Variants in MATN2 observed in about 807,000 individuals in gnomAD.
The protein encoded by MATN2 is matrilin 2, also known as matrilin-2.
In MATN2, 69 loss-of-function variants were observed where a neutral mutation model predicts 103.2. The observed-to-expected ratio is 0.67, with a 90% CI of 0.55 to 0.82. The LOEUF (loss-of-function observed/expected upper bound fraction) is 0.82, where lower values mean the gene tolerates loss of function less well. MATN2 is among the 40% of genes least tolerant of loss of function. The probability of loss-of-function intolerance (pLI) is 0.00; values close to 1 mark genes in which losing one functional copy is unlikely to be tolerated. For missense variants in MATN2, 1,023 were observed against 1,211.5 expected (o/e 0.84, Z 2.31); for synonymous variants, 429 against 450.2 (o/e 0.95, Z 0.60).
intron 6 of MATN2, among the ~76,000 whole-genome samples, chr8:97,985,294 C>T (rs1812156659): frequency 6.6e-6 from 1 of 152,156 alleles, no homozygotes; most frequent in Admixed American, 6.5e-5. Flanking sequence ...AGCAAACGTA[C>T]TCATTACTGT....
intron 1 of MATN2, among the ~76,000 whole-genome samples, chr8:97,878,270 C>T (rs578038739): frequency 6.6e-6 from 1 of 152,140 alleles, no homozygotes; most frequent in Middle Eastern, 3.4e-3. Context: ...GTCTTCCAAT[C>T]AGGAAAAATA....
chr8:97,965,781 G>A (rs1218840979), intron 5 of MATN2, among the ~76,000 whole-genome samples: 1 of 152,064 alleles, frequency 6.6e-6, no homozygotes, highest in Non-Finnish European at 1.5e-5. Context: ...AGGAGTTTGT[G>A]ACCAGCCTGG....
At chr8:97,886,801 A>G (rs932686250) in intron 1 of MATN2, among the ~76,000 whole-genome samples, 1 of 151,944 alleles carries the variant, frequency 6.6e-6, no homozygotes, top group Non-Finnish European at 1.5e-5. Context: ...AGAAAGAACT[A>G]TGGCATTTCA....
chr8:97,999,269 G>A (rs1226904719), intron 7 of MATN2, among the ~76,000 whole-genome samples: 1 of 152,078 alleles, frequency 6.6e-6, no homozygotes, highest in Non-Finnish European at 1.5e-5. Flanking sequence ...TCCACCTTTT[G>A]ACTTTTATTT....
At chr8:97,969,970 C>T (rs1455470438) in intron 5 of MATN2, among the ~76,000 whole-genome samples, 3 of 152,174 alleles carry the variant, frequency 2.0e-5, no homozygotes, top group African/African-American at 7.2e-5. Flanking sequence ...GCAGGCAAGT[C>T]CCAAAGTGGA....
chr8:97,922,769 T>C (rs761486598), intron 2 of MATN2, among the ~76,000 whole-genome samples: 2 of 152,228 alleles, frequency 1.3e-5, no homozygotes, highest in Non-Finnish European at 1.5e-5. Context: ...ACTCCCTCAC[T>C]GTCCTTCTCT....
In MATN2 at chr8:98,007,227, C is replaced by T; in HGVS notation, c.1450C>T (p.Arg484Trp). Residue 484 changes from arginine (R) to tryptophan (W), a missense_variant and splice_region_variant, in exon 9 of 19, where the codon CGG (arginine) becomes TGG (tryptophan). Coordinates refer to ENST00000254898, the MANE Select transcript of MATN2 (RefSeq NM_002380.5). The surrounding 1 kb of genome is among the most constrained non-coding windows in gnomAD (Gnocchi z 4.2). ...LINEDLKTCS[R>W]VDYCLLSDHG... ...CAACGAGGACCTCAAGACCTGCTCC[C>T]GTGAGTCCCTCCGCGCTCCTCTCAT... The T allele has an allele frequency of 5.0e-6, 8 of 1,613,850 alleles. No individual in the cohort carries two copies. The highest frequency in any genetic ancestry group is 1.7e-5 in the Admixed American group (1 of 60,022).
chr8:97,961,927 G>A (rs1368981124), intron 5 of MATN2, among the ~76,000 whole-genome samples: 2 of 152,142 alleles, frequency 1.3e-5, no homozygotes, highest in African/African-American at 2.4e-5. Context: ...CAAAGACAAC[G>A]GGCAGCCTTC....
chr8:98,023,874 G>A (rs1241191861), intron 13 of MATN2, among the ~76,000 whole-genome samples: 1 of 152,108 alleles, frequency 6.6e-6, no homozygotes, highest in Non-Finnish European at 1.5e-5. Context: ...AAAGAAATGA[G>A]GTCATGTCCT....
chr8:98,006,800 G>C (rs573693427), intron 8 of MATN2, among the ~76,000 whole-genome samples: 212 of 152,346 alleles, frequency 1.4e-3, no homozygotes, highest in African/African-American at 3.7e-3. Flanking sequence ...GGGAAAGAAG[G>C]CTGGGCATGG....
intron 2 of MATN2, among the ~76,000 whole-genome samples, chr8:97,923,549 C>G (rs1273463260): frequency 7.3e-6 from 1 of 137,656 alleles, no homozygotes; most frequent in East Asian, 2.5e-4. Context: ...CTCTCTCTCT[C>G]TCTCTCTCTG....
chr8:97,988,882 A>T (rs1812292116), intron 6 of MATN2, among the ~76,000 whole-genome samples: 1 of 152,182 alleles, frequency 6.6e-6, no homozygotes, highest in Admixed American at 6.5e-5. Context: ...GAAAAGAAAG[A>T]CATAAAAAAA....
chr8:97,925,256 G>C (rs1809954599), intron 2 of MATN2, among the ~76,000 whole-genome samples: 1 of 152,122 alleles, frequency 6.6e-6, no homozygotes, highest in Admixed American at 6.5e-5. Context: ...CGCTGGGATT[G>C]GCCAAGACTC....
intron 2 of MATN2, among the ~76,000 whole-genome samples, chr8:97,922,513 T>C (rs72675261): frequency 0.052 from 7,939 of 152,298 alleles, 248 homozygotes; most frequent in South Asian, 0.073. Context: ...AGTACTTCAA[T>C]CTTTGTTGCA....
At chr8:98,021,689 A>AAC (rs908474934) in intron 13 of MATN2, among the ~76,000 whole-genome samples, 1 of 152,030 alleles carries the variant, frequency 6.6e-6, no homozygotes, top group African/African-American at 2.4e-5. Flanking sequence ...TAAAAAAAAA[A>AAC]AAAACACAAA....
intron 6 of MATN2, among the ~76,000 whole-genome samples, chr8:97,993,446 T>C (rs1317957738): frequency 1.3e-5 from 2 of 151,862 alleles, no homozygotes; most frequent in African/African-American, 4.8e-5. Context: ...GATTCTGCAA[T>C]AAAAGTTTCT....
chr8:97,964,812 C>A (rs1811431397), intron 5 of MATN2, among the ~76,000 whole-genome samples: 1 of 151,836 alleles, frequency 6.6e-6, no homozygotes, highest in African/African-American at 2.4e-5. Flanking sequence ...CGGCTCACTG[C>A]AACCTCTGTC....
chr8:98,007,713 G>A lies in MATN2; in HGVS notation c.1573+112G>A, dbSNP rs947630601. The A allele has an allele frequency of 3.1e-6, 4 of 1,306,734 alleles. No homozygotes were observed. The highest frequency in any genetic ancestry group is 4.2e-6 in the Non-Finnish European group (4 of 953,020). The allele number at this position is 1,306,734 out of a possible 1,614,324, so 80.9% of individuals were successfully genotyped here. A position where few individuals can be genotyped will look rare whatever the true frequency, so the allele number is the denominator to read the frequency against. On this transcript the variant is annotated intron_variant, in intron 10 of 18. Coordinates refer to ENST00000254898, the MANE Select transcript of MATN2 (RefSeq NM_002380.5). The surrounding 1 kb of genome is among the most constrained non-coding windows in gnomAD (Gnocchi z 4.2). ...GTGTCCTGTCTCCAGGCTTTGCTGG[G>A]CCTGCATGAATGTGTGTGACAGCAT... is the stretch of plus-strand genomic sequence containing the variant.
chr8:97,869,482 G>T (rs1474742916), intron 1 of MATN2, among the ~76,000 whole-genome samples, 195 bp downstream of exon 1: 5 of 152,052 alleles, frequency 3.3e-5, no homozygotes, highest in African/African-American at 1.2e-4. Flanking sequence ...GAGGGAGGGC[G>T]GCGCTGCCCG....
Sources: gnomAD v4.1 joint callset for allele counts (sites outside exome capture counted in the v4.1 genomes callset) on GRCh38, gnomAD v4.1.1 for gene constraint, Gnocchi (gnomAD v3.1) non-coding constraint, MANE v1.5 for transcripts, NCBI Gene and HGNC (gene_info 2026-07-23, HGNC 2026-07-21) for gene names.